The following USP34 variants were observed in gnomAD, a reference collection of about 807,000 sequenced individuals.
The protein encoded by USP34 is ubiquitin carboxyl-terminal hydrolase 34.
In USP34, 70 loss-of-function variants were observed where a neutral mutation model predicts 460.3. The observed-to-expected ratio is 0.15, with a 90% CI of 0.13 to 0.19. The LOEUF is 0.19. Among genes scored for constraint, USP34 ranks in the 10% least tolerant of loss-of-function variants. The pLI, the probability that USP34 is intolerant of heterozygous loss-of-function variation, is 1.00. For missense variants in USP34, 3,985 were observed against 4,236.2 expected (o/e 0.94, Z 1.65); for synonymous variants, 1,647 against 1,405.3 (o/e 1.17, Z -3.85).
chr2:61,353,782 G>A (rs577492305), intron 10 of USP34, among the ~76,000 whole-genome samples: 1 of 152,012 alleles, frequency 6.6e-6, no homozygotes, highest in East Asian at 1.9e-4. Flanking sequence ...AGTAAAGACA[G>A]GAAAACAATG....
chr2:61,304,884 A>G (rs1343124823), intron 27 of USP34, among the ~76,000 whole-genome samples: 1 of 152,158 alleles, frequency 6.6e-6, no homozygotes, highest in Non-Finnish European at 1.5e-5. Context: ...CTTATTCTTT[A>G]TCAGTTCTAA....
At chr2:61,210,727 T>C (rs966979163) in intron 69 of USP34, among the ~76,000 whole-genome samples, 4 of 152,198 alleles carry the variant, frequency 2.6e-5, no homozygotes, top group African/African-American at 9.7e-5. Flanking sequence ...ATCTTTTTTT[T>C]CTTTTTTTGA....
At chr2:61,207,435 T>C (rs1687151705) in intron 70 of USP34, 1 of 152,618 alleles carries the variant, frequency 6.6e-6, no homozygotes, top group African/African-American at 2.4e-5. Context: ...ACAGCACCCT[T>C]CTTTGAATCC....
In USP34 at chr2:61,265,524, T is replaced by A. The variant is rs561861930; in HGVS notation, c.5651A>T (p.His1884Leu). Reference protein sequence around the residue: ...HAPYKWDYWPHEDVRAECRFV... With the variant: ...HAPYKWDYWPLEDVRAECRFV... ...TCTACATTCAGCACGGACATCTTCA[T>A]GAGGCCAGTAATCCCATTTATAAGG... is the stretch of plus-strand genomic sequence containing the variant. The change falls in exon 43 of 80, where the codon CAT becomes CTT. Residue 1884 changes from histidine (H) to leucine (L), a missense_variant. His to Leu is a moderately conservative substitution (Grantham distance 99, BLOSUM62 -3). Transcript: ENST00000398571. 6.2e-7 allele frequency: 1 copy of A among 1,612,710 alleles called. No individual in the cohort carries two copies. The highest frequency in any genetic ancestry group is 1.3e-5 in the African/African-American group (1 of 75,016).
intron 2 of USP34, among the ~76,000 whole-genome samples, chr2:61,412,213 G>C (rs1490121243): frequency 2.8e-5 from 4 of 140,512 alleles, no homozygotes; most frequent in Admixed American, 2.8e-4. Flanking sequence ...AAAAAGAAAA[G>C]GAAGAAAAGA....
chr2:61,317,230 C>T (rs1268002587), intron 23 of USP34, among the ~76,000 whole-genome samples: 1 of 151,952 alleles, frequency 6.6e-6, no homozygotes, highest in East Asian at 1.9e-4. Context: ...CTTTTGAAAC[C>T]AGAGAACAGA....
At chr2:61,396,606 A>C (rs1218093600) in intron 3 of USP34, among the ~76,000 whole-genome samples, 2 of 151,720 alleles carry the variant, frequency 1.3e-5, no homozygotes, top group East Asian at 3.9e-4. Context: ...CTCCTGCCTC[A>C]GCCTCCAGAG....
At position 61,432,081 on chromosome 2, in the gene USP34, C is replaced by T. The variant is rs371799388; in HGVS notation, c.44-11248G>A. 6.6e-5 allele frequency among the ~76,000 whole-genome samples: 10 copies of T among 151,960 alleles called. No homozygotes were observed. The East Asian group carries it at 1.2e-3, about 18-fold the overall frequency. On this transcript the variant is annotated intron_variant, in intron 1 of 79. Transcript: ENST00000398571. ...CATGGCCAGGGGTAGCAGCTCACGC[C>T]TGTAATCACAGCACTTTGGGAGGCC...
chr2:61,248,239 C>G (rs933746085), intron 49 of USP34, among the ~76,000 whole-genome samples: 1 of 151,244 alleles, frequency 6.6e-6, no homozygotes, highest in Non-Finnish European at 1.5e-5. Flanking sequence ...AAGACTTACC[C>G]CACGAGATTT....
chr2:61,218,324 A>G (rs1362887055), intron 67 of USP34, among the ~76,000 whole-genome samples: 1 of 151,028 alleles, frequency 6.6e-6, no homozygotes, highest in African/African-American at 2.4e-5. Context: ...AGGAAAAAAA[A>G]AAAAAAAAAA....
At position 61,435,307 on chromosome 2, in the gene USP34, CAAA is replaced by C. The variant is rs59158283; in HGVS notation, c.44-14477_44-14475del. The stretch of plus-strand genomic sequence containing the variant: ...TGGGCAACAGAGTGAGACCTTGTTT[CAAA>C]AAAAAAAAAAAAAAAAAAAGAACTC... On this transcript the variant is annotated intron_variant, in intron 1 of 79. Coordinates refer to ENST00000398571, the MANE Select transcript of USP34 (RefSeq NM_014709.4). Among the ~76,000 whole-genome samples the C allele has an allele frequency of 1.0e-3, 42 of 40,950 alleles. 1 individual carries two copies. The highest frequency in any genetic ancestry group is 2.3e-3 in the African/African-American group (22 of 9,616). 26.9% of individuals were successfully genotyped at this position (40,950 alleles called of 152,430 possible).
At position 61,221,585 on chromosome 2, in the gene USP34, A is replaced by G; in HGVS notation, c.7816T>C (p.Leu2606=). 1 of 1,614,068 alleles carries G rather than the reference A, an allele frequency of 6.2e-7. No homozygotes were observed. Among genetic ancestry groups the G allele is most frequent in the Non-Finnish European group, 8.5e-7 (1 of 1,179,944 alleles). ...GCAAACTCCATTAGCATAGTCAACA[A>G]CTTAAAGAAAGGATTGGCTGCCTGT... is the stretch of plus-strand genomic sequence containing the variant. ...TPEAANPFFK[L]LTMLMEFAGG... Residue 2606 remains leucine, a synonymous_variant, in exon 66 of 80, where the codon TTG becomes CTG. Coordinates refer to ENST00000398571, the MANE Select transcript of USP34 (RefSeq NM_014709.4).
intron 57 of USP34, among the ~76,000 whole-genome samples, chr2:61,233,009 A>G (rs1687958600): frequency 6.6e-6 from 1 of 151,238 alleles, no homozygotes; most frequent in Non-Finnish European, 1.5e-5. Context: ...ACAGGCACGC[A>G]CCACAATCCC....
At chr2:61,353,295 A>G (rs1247278780) in intron 10 of USP34, among the ~76,000 whole-genome samples, 2 of 152,104 alleles carry the variant, frequency 1.3e-5, no homozygotes, top group African/African-American at 2.4e-5. Flanking sequence ...GAGGTCTTAG[A>G]GTTGTACTTT....
intron 75 of USP34, among the ~76,000 whole-genome samples, chr2:61,193,740 A>T (rs752799005): frequency 3.3e-5 from 5 of 152,052 alleles, no homozygotes; most frequent in Non-Finnish European, 5.9e-5. Flanking sequence ...AATCATGGAG[A>T]AGAAGAAATA....
chr2:61,446,459 T>C (rs761095149), intron 1 of USP34, among the ~76,000 whole-genome samples: 2 of 152,304 alleles, frequency 1.3e-5, no homozygotes, highest in Non-Finnish European at 1.5e-5. Flanking sequence ...TGAGTTGTAA[T>C]ATGAAAACTG....
chr2:61,232,659 C>A, intron 57 of USP34, 127 bp from the exon 58 acceptor site: 1 of 763,376 alleles, frequency 1.3e-6, no homozygotes, highest in South Asian at 1.9e-5. Context: ...AGAAAAGTTT[C>A]TCTAATTGTC....
chr2:61,235,619 T>C (rs1262883659), intron 57 of USP34, among the ~76,000 whole-genome samples: 2 of 152,132 alleles, frequency 1.3e-5, no homozygotes, highest in East Asian at 3.9e-4. Flanking sequence ...CCACCACACC[T>C]GGCCAAAACA....
intron 41 of USP34, among the ~76,000 whole-genome samples, chr2:61,277,059 C>T (rs1054835876): frequency 2.6e-5 from 4 of 152,066 alleles, no homozygotes; most frequent in African/African-American, 4.8e-5. Flanking sequence ...TTCAGAGTCA[C>T]GAAGTGTTTC....
Sources: allele counts gnomAD v4.1 joint callset (sites outside exome capture counted in the v4.1 genomes callset), GRCh38; gene constraint gnomAD v4.1.1; transcripts MANE v1.5; gene names NCBI Gene and HGNC (gene_info 2026-07-23, HGNC 2026-07-21).